KIF27: variants seen among roughly 807,000 people sequenced by gnomAD.
KIF27 encodes kinesin family member 27, also known as kinesin-like protein KIF27.
In KIF27, 84 loss-of-function variants were observed where a neutral mutation model predicts 141.8. The ratio of observed to expected loss-of-function variants is 0.59; its 90% CI spans 0.50 to 0.71. The LOEUF is 0.71. KIF27 is among the 30% of genes least tolerant of loss of function. KIF27 has a pLI of 0.00. For missense variants in KIF27, 1,306 were observed against 1,628.4 expected (o/e 0.80, Z 3.41); for synonymous variants, 471 against 569.5 (o/e 0.83, Z 2.46).
chr9:83,838,104 A>G (rs1348659696), intron 17 of KIF27, among the ~76,000 whole-genome samples: 3 of 152,366 alleles, frequency 2.0e-5, no homozygotes, highest in South Asian at 2.1e-4. Context: ...ATCAAAGAAT[A>G]TCTAATAGCA....
intron 9 of KIF27, among the ~76,000 whole-genome samples, chr9:83,886,717 C>T (rs1468298498): frequency 5.3e-5 from 8 of 152,112 alleles, no homozygotes. Context: ...GACTGCACCA[C>T]TGCACTCCAG....
intron 17 of KIF27, among the ~76,000 whole-genome samples, chr9:83,839,849 A>G (rs1307175450): frequency 3.9e-5 from 6 of 152,166 alleles, no homozygotes; most frequent in Non-Finnish European, 8.8e-5. Context: ...AGGCTGAGGT[A>G]GGAGAATCGT....
intron 7 of KIF27, 80 bp from the exon 8 acceptor site, chr9:83,888,672 A>C (rs1277076248): frequency 1.3e-6 from 1 of 778,304 alleles, no homozygotes; most frequent in Non-Finnish European, 2.0e-6. Flanking sequence ...GAAAAGTGAA[A>C]GTAATGTTAA....
At chr9:83,910,487 A>C (rs550751944) in intron 2 of KIF27, among the ~76,000 whole-genome samples, 1 of 152,348 alleles carries the variant, frequency 6.6e-6, no homozygotes, top group East Asian at 1.9e-4. Context: ...TCTTCACGTC[A>C]CCAAGTGTAT....
chr9:83,885,165 T>G (rs893692382), intron 9 of KIF27, among the ~76,000 whole-genome samples: 1 of 152,190 alleles, frequency 6.6e-6, no homozygotes, highest in Non-Finnish European at 1.5e-5. Flanking sequence ...CAATGTCAGC[T>G]CACTGCCACC....
intron 1 of KIF27, among the ~76,000 whole-genome samples, chr9:83,921,061 G>T (rs1956223294): frequency 6.6e-6 from 1 of 152,182 alleles, no homozygotes; most frequent in African/African-American, 2.4e-5. Flanking sequence ...CGGTCGATCG[G>T]TGTTCCCCGG....
chr9:83,919,392 T>A (rs1956026921), intron 1 of KIF27, among the ~76,000 whole-genome samples: 1 of 152,192 alleles, frequency 6.6e-6, no homozygotes, highest in African/African-American at 2.4e-5. Flanking sequence ...TTTGGAAGGA[T>A]AAAGCTTATA....
rs1403527000 is a variant in KIF27 at position 83,918,329 on chromosome 9, G to GC, written c.-87-2652_-87-2651insG. Among the ~76,000 whole-genome samples, 2 of 145,242 alleles carry GC rather than the reference G, an allele frequency of 1.4e-5. 1 individual carries two copies. Among genetic ancestry groups the GC allele is most frequent in the Non-Finnish European group, 3.0e-5 (2 of 66,590 alleles). ...AAAGAGAGAACGAGAGAAATGGGGGGGGGGCAGGACAGGGAGGGAGAGGAG... is the reference window on the plus strand; with the variant it reads ...AAAGAGAGAACGAGAGAAATGGGGGGCGGGGCAGGACAGGGAGGGAGAGGAG... On this transcript the variant is annotated intron_variant, in intron 1 of 17. Coordinates refer to ENST00000297814, the MANE Select transcript of KIF27 (RefSeq NM_017576.4).
At position 83,836,523 on chromosome 9, in the gene KIF27, A is replaced by G. The variant is rs1945857499; in HGVS notation, c.*478T>C. On this transcript the variant is annotated 3_prime_UTR_variant, in exon 18 of 18. Coordinates refer to ENST00000297814, the MANE Select transcript of KIF27 (RefSeq NM_017576.4). ...ATGAGCCTCAATCCATAAAGCTGAG[A>G]GGTTGTCTTAGCCCACATATGCAGC... 1.3e-5 allele frequency among the ~76,000 whole-genome samples: 2 copies of G among 152,134 alleles called. No individual in the cohort carries two copies. Among genetic ancestry groups the G allele is most frequent in the South Asian group, 4.1e-4 (2 of 4,826 alleles).
chr9:83,900,899 T>G (rs2780087), intron 4 of KIF27, among the ~76,000 whole-genome samples: 20 of 150,864 alleles, frequency 1.3e-4, no homozygotes, highest in East Asian at 1.9e-4. Flanking sequence ...AAAAAAAAAA[T>G]AAAGAACTAA....
chr9:83,853,511 T>C (rs1948841509), intron 15 of KIF27, 118 bp downstream of exon 15: 5 of 671,846 alleles, frequency 7.4e-6, no homozygotes, highest in Non-Finnish European at 1.2e-5. Flanking sequence ...CTTAAATTTG[T>C]AGTTACATCA....
At chr9:83,873,992 CA>C (rs1951007569) in intron 11 of KIF27, among the ~76,000 whole-genome samples, 1 of 151,468 alleles carries the variant, frequency 6.6e-6, no homozygotes. Flanking sequence ...GCGGAGCTTG[CA>C]GTGAGACGAG....
At chr9:83,878,884 A>G (rs933733227) in intron 11 of KIF27, among the ~76,000 whole-genome samples, 62 of 151,690 alleles carry the variant, frequency 4.1e-4, no homozygotes, top group African/African-American at 1.4e-3. Context: ...ACACTTAAAA[A>G]ACAGTTAAAA....
intron 16 of KIF27, among the ~76,000 whole-genome samples, chr9:83,848,123 C>CATATATATGACATATA (rs1947673875): frequency 2.7e-5 from 1 of 36,394 alleles, no homozygotes; most frequent in African/African-American, 2.2e-4. Flanking sequence ...TCTGATATAT[C>CATATATATGACATATA]TGATATCTCA....
In KIF27 at chr9:83,887,054, T is replaced by C. The variant is rs756409628; in HGVS notation, c.2226A>G (p.Glu742=). Residue 742 remains glutamate (E), a synonymous_variant, in exon 9 of 18, where the codon GAA becomes GAG. Transcript: ENST00000297814. The part of the protein sequence containing the change: ...NIKMKEDLIK[E]LIKTGNDAKS... ...AGATACTATTACCTGTTTTTATTAA[T>C]TCTTTAATCAGATCTTCCTTCATCT... 8 of 1,580,496 alleles carry C rather than the reference T, an allele frequency of 5.1e-6. No individual in the cohort carries two copies. Among genetic ancestry groups the C allele is most frequent in the South Asian group, 1.2e-5 (1 of 84,664 alleles).
chr9:83,867,250 TTGA>T (rs995630850), intron 13 of KIF27, among the ~76,000 whole-genome samples: 5 of 152,214 alleles, frequency 3.3e-5, no homozygotes, highest in Non-Finnish European at 7.3e-5. Context: ...CATTCATCAC[TTGA>T]TGAACATTTG....
chr9:83,848,192 A>C (rs376167795), intron 16 of KIF27, among the ~76,000 whole-genome samples: 1,507 of 31,064 alleles, frequency 0.049, 220 homozygotes, highest in Middle Eastern at 0.13. Flanking sequence ...TATGATATAT[A>C]TGATATATCA....
At position 83,888,867 on chromosome 9, in the gene KIF27, A is replaced by C. The variant is rs552523039; in HGVS notation, c.1979+217T>G. On this transcript the variant is annotated intron_variant, in intron 7 of 17. Coordinates refer to ENST00000297814, the MANE Select transcript of KIF27 (RefSeq NM_017576.4). ...TGAAAATTAGAATCTCATTACTATA[A>C]AAGCTCTAAAAGCAAAATTATTTTT... Among the ~76,000 whole-genome samples, 4 of 151,910 alleles carry C rather than the reference A, an allele frequency of 2.6e-5. No individual in the cohort carries two copies. The East Asian group carries it at 7.7e-4, about 29-fold the overall frequency.
In KIF27 at chr9:83,891,511, A is replaced by G; in HGVS notation, c.1603-10T>C. 1 of 1,596,918 alleles carries G rather than the reference A, an allele frequency of 6.3e-7. No individual in the cohort carries two copies. Among genetic ancestry groups the G allele is most frequent in the Non-Finnish European group, 8.5e-7 (1 of 1,170,098 alleles). The stretch of plus-strand genomic sequence containing the variant: ...CTATTATTTTTTCATTCTTTGTAGA[A>G]GAGAGATGAAAATTTTTAATATAGA... On this transcript the variant is annotated splice_polypyrimidine_tract_variant and intron_variant, in intron 5 of 17. Transcript: ENST00000297814.
Sources: allele counts gnomAD v4.1 joint callset (sites outside exome capture counted in the v4.1 genomes callset), GRCh38; gene constraint gnomAD v4.1.1; transcripts MANE v1.5; gene names NCBI Gene and HGNC (gene_info 2026-07-23, HGNC 2026-07-21).